The following NPAS3 variants were observed in gnomAD, a reference collection of about 807,000 sequenced individuals.
NPAS3 encodes the protein neuronal PAS domain protein 3.
In NPAS3, 14 loss-of-function variants were observed where a neutral mutation model predicts 73.1. The observed-to-expected ratio is 0.19, with a 90% CI of 0.13 to 0.30. The LOEUF (loss-of-function observed/expected upper bound fraction) is 0.30, where lower values mean the gene tolerates loss of function less well. Among genes scored for constraint, NPAS3 ranks in the 10% least tolerant of loss-of-function variants. The probability of loss-of-function intolerance (pLI) is 1.00; values close to 1 mark genes in which losing one functional copy is unlikely to be tolerated. For synonymous variants in NPAS3, 620 were observed against 541.5 expected, an observed-to-expected ratio of 1.14 and a Z score of -2.01; for missense variants, 1,096 against 1,250.0, an observed-to-expected ratio of 0.88 and a Z score of 1.86.
intron 3 of NPAS3, among the ~76,000 whole-genome samples, chr14:33,307,288 C>T (rs898578695): frequency 1.3e-5 from 2 of 152,054 alleles, no homozygotes; most frequent in Non-Finnish European, 2.9e-5. Flanking sequence ...TCCTCTTTGC[C>T]AGAGAATTTA....
chr14:33,435,207 G>A (rs1407281920), intron 4 of NPAS3, among the ~76,000 whole-genome samples: 1 of 152,146 alleles, frequency 6.6e-6, no homozygotes, highest in Non-Finnish European at 1.5e-5. Context: ...AGTGGATCAG[G>A]TGGAAAATTT....
rs1490367516 is a variant in NPAS3, at chr14:33,716,793, G to T, written c.734-18421G>T. On this transcript the variant is annotated intron_variant, in intron 6 of 11. Transcript: ENST00000356141. ...TAGTCTGCATGTCCTTTTTGTTGCT[G>T]TTGTTTCTGAGCGCCGCCCCCACCC... Among the ~76,000 whole-genome samples, 2 of 152,014 alleles carry T rather than the reference G, an allele frequency of 1.3e-5. 1 individual carries two copies. Among genetic ancestry groups the T allele is most frequent in the Admixed American group, 1.3e-4 (2 of 15,242 alleles).
At chr14:33,282,707 G>T (rs1056580153) in intron 3 of NPAS3, among the ~76,000 whole-genome samples, 10 of 152,114 alleles carry the variant, frequency 6.6e-5, no homozygotes, top group African/African-American at 2.4e-4. Context: ...TAGTCTGCTC[G>T]ACTGCTAGCC....
At chr14:33,340,620 C>T (rs1298398939) in intron 3 of NPAS3, among the ~76,000 whole-genome samples, 7 of 152,154 alleles carry the variant, frequency 4.6e-5, no homozygotes, top group Non-Finnish European at 1.0e-4. Context: ...TGAAAGTACC[C>T]AAATACATTG....
chr14:33,508,948 T>C (rs1386974125), intron 4 of NPAS3, among the ~76,000 whole-genome samples: 19 of 152,012 alleles, frequency 1.2e-4, no homozygotes, highest in Admixed American at 1.2e-3. Context: ...ATGAGGTCTC[T>C]GTTCATGCTC....
At chr14:33,321,419 C>T (rs780259460) in intron 3 of NPAS3, among the ~76,000 whole-genome samples, 7 of 151,944 alleles carry the variant, frequency 4.6e-5, no homozygotes, top group Non-Finnish European at 1.0e-4. Context: ...CTGGGTAAGG[C>T]ATATCTCTAT....
At chr14:33,179,247 G>T (rs1429656111) in intron 2 of NPAS3, among the ~76,000 whole-genome samples, 1 of 152,140 alleles carries the variant, frequency 6.6e-6, no homozygotes, top group Non-Finnish European at 1.5e-5. Flanking sequence ...ATTCAAGATT[G>T]TTTTGGATGC....
At chr14:33,160,547 G>A (rs989793792) in intron 2 of NPAS3, among the ~76,000 whole-genome samples, 3 of 149,724 alleles carry the variant, frequency 2.0e-5, no homozygotes, top group African/African-American at 7.4e-5. Context: ...TGTAAATGAC[G>A]AGTTAATGGG....
intron 10 of NPAS3, among the ~76,000 whole-genome samples, chr14:33,794,662 C>G (rs1242551545): frequency 6.0e-5 from 9 of 149,050 alleles, no homozygotes. Flanking sequence ...AGCTTTACTG[C>G]TCTTAAAATG....
intron 5 of NPAS3, among the ~76,000 whole-genome samples, chr14:33,640,192 T>TG (rs2058639240): frequency 2.1e-5 from 3 of 141,818 alleles, no homozygotes; most frequent in South Asian, 4.4e-4. Context: ...GACCCCCTGT[T>TG]GAAAAAAAAA....
intron 3 of NPAS3, among the ~76,000 whole-genome samples, chr14:33,323,436 G>T (rs2043549227): frequency 6.6e-6 from 1 of 152,166 alleles, no homozygotes; most frequent in East Asian, 1.9e-4. Context: ...ATTCCAATCA[G>T]TCATTCCAAA....
intron 1 of NPAS3, 84 bp from the exon 2 acceptor site, chr14:33,055,821 A>T: frequency 1.4e-6 from 1 of 720,496 alleles, no homozygotes; most frequent in South Asian, 1.6e-5. Flanking sequence ...AAATATATTG[A>T]ATTTCAACAT....
At chr14:33,694,049 G>T (rs1056232359) in intron 6 of NPAS3, among the ~76,000 whole-genome samples, 4 of 151,926 alleles carry the variant, frequency 2.6e-5, no homozygotes, top group African/African-American at 9.7e-5. Flanking sequence ...GATGAAATTT[G>T]CATATTAATT....
intron 6 of NPAS3, among the ~76,000 whole-genome samples, chr14:33,707,204 A>C (rs1360508840): frequency 6.6e-6 from 1 of 152,216 alleles, no homozygotes; most frequent in African/African-American, 2.4e-5. Context: ...TCTGATTTAG[A>C]CAGTATGTGC....
chr14:33,457,821 C>T (rs1440241302), intron 4 of NPAS3, among the ~76,000 whole-genome samples: 1 of 152,142 alleles, frequency 6.6e-6, no homozygotes, highest in Non-Finnish European at 1.5e-5. Flanking sequence ...CCTCATCAGC[C>T]GATGTCTCCT....
intron 1 of NPAS3, among the ~76,000 whole-genome samples, chr14:32,990,486 C>CCATT (rs1389695648): frequency 1.3e-5 from 2 of 152,094 alleles, no homozygotes; most frequent in East Asian, 1.9e-4. Context: ...CTAGATGCTA[C>CCATT]CATTATTCCT....
chr14:33,650,925 A>G (rs540376928), intron 5 of NPAS3, among the ~76,000 whole-genome samples: 5 of 152,298 alleles, frequency 3.3e-5, no homozygotes, highest in South Asian at 4.1e-4. Flanking sequence ...TGCCCATTGT[A>G]GGTCTGAGGA....
At chr14:33,541,660 A>C (rs964374796) in intron 4 of NPAS3, among the ~76,000 whole-genome samples, 1 of 152,214 alleles carries the variant, frequency 6.6e-6, no homozygotes, top group Non-Finnish European at 1.5e-5. Context: ...AAGAGGATGT[A>C]AGAATGAGGC....
chr14:33,388,885 T>C (rs2046885142), intron 4 of NPAS3, among the ~76,000 whole-genome samples: 1 of 152,200 alleles, frequency 6.6e-6, no homozygotes, highest in Non-Finnish European at 1.5e-5. Context: ...ATAATCCACG[T>C]AAAGCCCTGT....
Sources: allele counts gnomAD v4.1 joint callset (sites outside exome capture counted in the v4.1 genomes callset), GRCh38; gene constraint gnomAD v4.1.1; transcripts MANE v1.5; gene names NCBI Gene and HGNC (gene_info 2026-07-23, HGNC 2026-07-21).